The following CCNB3 variants were observed in gnomAD, a reference collection of about 807,000 sequenced individuals.
The protein encoded by CCNB3 is G2/mitotic-specific cyclin-B3.
A neutral mutation model predicts 68.0 loss-of-function variants in CCNB3; 12 were observed. The ratio of observed to expected loss-of-function variants is 0.18; its 90% confidence interval spans 0.11 to 0.29. The LOEUF (loss-of-function observed/expected upper bound fraction) is 0.29. Ranked by LOEUF, CCNB3 falls within the 10% of genes least tolerant of loss-of-function variation. The probability of loss-of-function intolerance (pLI) is 1.00; values close to 1 mark genes in which losing one functional copy is unlikely to be tolerated. For missense variants in CCNB3, 904 were observed against 993.1 expected, an observed-to-expected ratio of 0.91 and a Z score of 1.21; for synonymous variants, 354 against 388.9, an observed-to-expected ratio of 0.91 and a Z score of 1.06.
At chrX:50,291,135 T>C (rs1329144730) in intron 4 of CCNB3, among the ~76,000 whole-genome samples, 2 of 111,585 alleles carry the variant, frequency 1.8e-5, no homozygotes, top group Admixed American at 1.9e-4. Context: ...TTAGTTAATC[T>C]GCTGTGAGTT....
chrX:50,227,094 A>G (rs1354166633), intron 1 of CCNB3, among the ~76,000 whole-genome samples: 3 of 82,100 alleles, frequency 3.7e-5, no homozygotes, highest in East Asian at 7.0e-4. Context: ...ATATAAATAT[A>G]TAGAATATAC....
At chrX:50,217,169 A>G (rs1935584463) in intron 1 of CCNB3, among the ~76,000 whole-genome samples, 1 of 106,451 alleles carries the variant, frequency 9.4e-6, no homozygotes, top group Non-Finnish European at 1.9e-5. Flanking sequence ...CTTTTTTTTT[A>G]ATTTGTAAAT....
intron 1 of CCNB3, among the ~76,000 whole-genome samples, chrX:50,221,652 C>T (rs1435674724): frequency 2.7e-5 from 3 of 111,118 alleles, no homozygotes; most frequent in Non-Finnish European, 5.7e-5. Flanking sequence ...TTATGATTTC[C>T]GTTCTTTTGC....
At chrX:50,219,567 G>A (rs1935637042) in intron 1 of CCNB3, among the ~76,000 whole-genome samples, 1 of 111,161 alleles carries the variant, frequency 9.0e-6, no homozygotes, top group Non-Finnish European at 1.9e-5. Context: ...GTTTGTCAAA[G>A]ATCAGATGGT....
At chrX:50,324,644 T>G (rs1175891401) in intron 8 of CCNB3, among the ~76,000 whole-genome samples, 4 of 112,256 alleles carry the variant, frequency 3.6e-5, no homozygotes, top group Non-Finnish European at 7.5e-5. Flanking sequence ...TTTTATTTTA[T>G]TCTTGTTTTG....
At chrX:50,312,319 C>T (rs1017907718) in intron 6 of CCNB3, among the ~76,000 whole-genome samples, 3 of 110,813 alleles carry the variant, frequency 2.7e-5, no homozygotes, top group South Asian at 3.9e-4. Context: ...CCTAGGGCAG[C>T]GAAGGTATAT....
At position 50,288,772 on chromosome X, in the gene CCNB3, T is replaced by C; in HGVS notation, c.97-8T>C. The C allele has an allele frequency of 3.4e-6, 4 of 1,186,914 alleles. No individual in the cohort carries two copies. Among genetic ancestry groups the C allele is most frequent in the Non-Finnish European group, 4.6e-6 (4 of 874,073 alleles). ...GGATATACTCATTTACCTCTTTTAC[T>C]TTTTTAGACGGGGGAGAATTGCCAA... On this transcript the variant is annotated splice_region_variant and splice_polypyrimidine_tract_variant and intron_variant, in intron 3 of 12. Coordinates refer to ENST00000376042, the MANE Select transcript of CCNB3 (RefSeq NM_033031.3).
In CCNB3 at chrX:50,351,268, T is replaced by C. The variant is rs1923665981; in HGVS notation, c.3988T>C (p.Tyr1330His). 5.8e-6 allele frequency: 7 copies of C among 1,209,456 alleles called. No individual in the cohort carries two copies. The highest frequency in any genetic ancestry group is 7.8e-6 in the Non-Finnish European group (7 of 894,712). The part of the protein sequence containing the change: ...WVPFLEHYSG[Y>H]SISELHPLVR... ...TCCCTTCCTGGAGCATTACAGTGGCTACAGTATCTCTGAGCTTCACCCCTT... is the reference window on the plus strand; with the variant it reads ...TCCCTTCCTGGAGCATTACAGTGGCCACAGTATCTCTGAGCTTCACCCCTT... Residue 1330 changes from tyrosine (Y) to histidine (H), a missense_variant, in exon 12 of 13, where the codon TAC becomes CAC. By Grantham distance (83) the Tyr-to-His change is moderately conservative. This residue lies in a region of CCNB3 where 285 missense variants were observed against 383.4 expected (regional missense o/e 0.74). Transcript: ENST00000376042.
At chrX:50,343,253 TTTATTA>T (rs782797195) in intron 9 of CCNB3, among the ~76,000 whole-genome samples, 1 of 110,410 alleles carries the variant, frequency 9.1e-6, no homozygotes, top group East Asian at 2.8e-4. Flanking sequence ...TTTTTTTTAT[TTTATTA>T]TTATTATTAT....
intron 1 of CCNB3, among the ~76,000 whole-genome samples, chrX:50,226,002 T>C (rs1935751708): frequency 1.1e-5 from 1 of 93,522 alleles, no homozygotes. Context: ...TATATATAAA[T>C]ATATATAGAA....
chrX:50,298,517 T>G lies in CCNB3; in HGVS notation c.335+3524T>G, dbSNP rs193262568. Among the ~76,000 whole-genome samples the G allele has an allele frequency of 2.3e-4, 26 of 112,166 alleles. No individual in the cohort carries two copies. The East Asian group carries it at 5.0e-3, about 22-fold the overall frequency. ...ATGGTGGATAAGCTTTTTGCTGTGC[T>G]GCTGGATTCCTTTTGCCAGTATTTT... is the stretch of plus-strand genomic sequence containing the variant. On this transcript the variant is annotated intron_variant, in intron 5 of 12. Coordinates refer to ENST00000376042, the MANE Select transcript of CCNB3 (RefSeq NM_033031.3).
In CCNB3 at chrX:50,294,943, G is replaced by A. The variant is rs142293112; in HGVS notation, c.285G>A (p.Arg95=). ...AAGTTGTTTCCAAGAAGATAAACAG[G>A]AACACACATGCTCTTGGACTGGCCA... ...FVKVVSKKIN[R]NTHALGLAKK... Residue 95 remains arginine, a synonymous_variant, in exon 5 of 13, where the codon AGG becomes AGA. Coordinates refer to ENST00000376042, the MANE Select transcript of CCNB3 (RefSeq NM_033031.3). The A allele has an allele frequency of 7.5e-6, 9 of 1,207,952 alleles. No individual in the cohort carries two copies. In the African/African-American group the frequency reaches 1.4e-4, roughly 19 times the overall value.
chrX:50,351,231 C>T lies in CCNB3; in HGVS notation c.3961-10C>T. 1 of 1,210,759 alleles carries T rather than the reference C, an allele frequency of 8.3e-7. No individual in the cohort carries two copies. The highest frequency in any genetic ancestry group is 2.3e-4 in the Middle Eastern group (1 of 4,288). ...ATAGTAGAAATCACTATTCATGCTG[C>T]TTCTTCCAGGTTCCCTTCCTGGAGC... is the stretch of plus-strand genomic sequence containing the variant. On this transcript the variant is annotated splice_polypyrimidine_tract_variant and intron_variant, in intron 11 of 12. Coordinates refer to ENST00000376042, the MANE Select transcript of CCNB3 (RefSeq NM_033031.3).
chrX:50,346,774 C>T lies in CCNB3; in HGVS notation c.3777C>T (p.Pro1259=). ...LNVLKCDINI[P]IAYHFLRRYA... is the part of the protein sequence containing the mutation. ...TCCTCAAATGTGACATTAACATTCCCATCGCCTACCATTTTCTGCGCAGAT... is the reference window on the plus strand; with the variant it reads ...TCCTCAAATGTGACATTAACATTCCTATCGCCTACCATTTTCTGCGCAGAT... The change falls in exon 10 of 13, where the codon CCC becomes CCT. Residue 1259 remains proline (P), a synonymous_variant. Transcript: ENST00000376042. The T allele has an allele frequency of 1.7e-6, 2 of 1,211,246 alleles. No homozygotes were observed. Among genetic ancestry groups the T allele is most frequent in the Non-Finnish European group, 2.2e-6 (2 of 895,263 alleles).
intron 1 of CCNB3, among the ~76,000 whole-genome samples, chrX:50,224,394 G>T (rs1935721648): frequency 1.8e-5 from 2 of 111,283 alleles, no homozygotes; most frequent in African/African-American, 6.5e-5. Context: ...GGAGTCAAAG[G>T]GCTGTCTTCT....
chrX:50,283,853 C>G (rs1339258884), intron 1 of CCNB3, among the ~76,000 whole-genome samples: 1 of 110,404 alleles, frequency 9.1e-6, no homozygotes, highest in Non-Finnish European at 1.9e-5. Context: ...AACAAGATTA[C>G]TGGCTTTCCA....
intron 8 of CCNB3, among the ~76,000 whole-genome samples, chrX:50,317,543 T>TTATGTATGTATGTATG (rs200015453): frequency 0.023 from 2,342 of 99,679 alleles, 52 homozygotes; most frequent in African/African-American, 0.054. Context: ...GTATTTAAAT[T>TTATGTATGTATGTATG]TATGTATGTA....
At position 50,279,740 on chromosome X, in the gene CCNB3, G is replaced by A. The variant is rs1222954480; in HGVS notation, c.-112-4802G>A. Among the ~76,000 whole-genome samples the A allele has an allele frequency of 3.0e-3, 264 of 87,646 alleles. 1 individual carries two copies. Among genetic ancestry groups the A allele is most frequent in the Non-Finnish European group, 4.9e-3 (230 of 47,280 alleles). 76.1% of individuals were successfully genotyped at this position (87,646 alleles called of 115,157 possible). A position where few individuals can be genotyped will look rare whatever the true frequency, so the allele number is the denominator to read the frequency against. On this transcript the variant is annotated intron_variant, in intron 1 of 12. Transcript: ENST00000376042. ...CATATATGTAAATATATATGATTAT[G>A]TATATTCATATATGTAAATATATAT...
chrX:50,304,157 T>G (rs1449060445), intron 5 of CCNB3, among the ~76,000 whole-genome samples: 1 of 111,718 alleles, frequency 9.0e-6, no homozygotes, highest in African/African-American at 3.3e-5. Context: ...ATATGGACTC[T>G]CAATTTTATT....
Sources: allele counts gnomAD v4.1 joint callset (sites outside exome capture counted in the v4.1 genomes callset), GRCh38; gene constraint gnomAD v4.1.1; regional missense constraint gnomAD v4.1.1; transcripts MANE v1.5; gene names NCBI Gene and HGNC (gene_info 2026-07-23, HGNC 2026-07-21).